RBFOX1: variants seen among roughly 807,000 people sequenced by gnomAD.
The protein encoded by RBFOX1 is RNA binding fox-1 homolog 1.
In RBFOX1, 8 loss-of-function variants were observed where a neutral mutation model predicts 57.7. The observed-to-expected ratio is 0.14, with a 90% CI of 0.08 to 0.25. The LOEUF (loss-of-function observed/expected upper bound fraction) is 0.25, where lower values mean the gene tolerates loss of function less well. Among genes scored for constraint, RBFOX1 ranks in the 10% least tolerant of loss-of-function variants. The probability of loss-of-function intolerance (pLI) is 1.00; values close to 1 mark genes in which losing one functional copy is unlikely to be tolerated. For missense variants in RBFOX1, 611 were observed against 548.5 expected (o/e 1.11, Z -1.14); for synonymous variants, 326 against 222.4 (o/e 1.47, Z -4.15).
chr16:7,493,787 G>A (rs961736266), intron 4 of RBFOX1, among the ~76,000 whole-genome samples: 9 of 152,188 alleles, frequency 5.9e-5, no homozygotes, highest in Admixed American at 1.3e-4. Context: ...AACTAAAAGA[G>A]AATATGTTTG....
chr16:7,096,097 G>C (rs1309007392), intron 4 of RBFOX1, among the ~76,000 whole-genome samples: 1 of 151,918 alleles, frequency 6.6e-6, no homozygotes, highest in Non-Finnish European at 1.5e-5. Context: ...GCTAAGTTCT[G>C]ACGACCCAGG....
intron 4 of RBFOX1, among the ~76,000 whole-genome samples, chr16:7,336,075 A>G (rs1008759395): frequency 6.6e-6 from 1 of 152,220 alleles, no homozygotes; most frequent in South Asian, 2.1e-4. Flanking sequence ...ACTACTTAAC[A>G]CTACTTATTT....
intron 1 of RBFOX1, among the ~76,000 whole-genome samples, chr16:6,247,521 A>G (rs2097575940): frequency 6.6e-6 from 1 of 152,228 alleles, no homozygotes; most frequent in Non-Finnish European, 1.5e-5. Flanking sequence ...TAGTGGTAGT[A>G]ACAGCCAATA....
intron 3 of RBFOX1, among the ~76,000 whole-genome samples, chr16:5,726,739 A>C (rs2052166776): frequency 6.6e-6 from 1 of 152,216 alleles, no homozygotes; most frequent in African/African-American, 2.4e-5. Flanking sequence ...CATTGCTGAC[A>C]TTGTGACATA....
At chr16:5,540,531 G>A (rs1413825964) in intron 2 of RBFOX1, among the ~76,000 whole-genome samples, 1 of 152,138 alleles carries the variant, frequency 6.6e-6, no homozygotes, top group Non-Finnish European at 1.5e-5. Context: ...GAAAGAGTTG[G>A]TTTAGTATAA....
chr16:6,969,874 TG>T (rs1425894300), intron 3 of RBFOX1, among the ~76,000 whole-genome samples: 1 of 152,224 alleles, frequency 6.6e-6, no homozygotes, highest in Non-Finnish European at 1.5e-5. Flanking sequence ...TACTAATTGA[TG>T]GGTATGCAAT....
chr16:7,037,036 C>G (rs985720995), intron 3 of RBFOX1, among the ~76,000 whole-genome samples: 1 of 152,066 alleles, frequency 6.6e-6, no homozygotes, highest in Non-Finnish European at 1.5e-5. Flanking sequence ...GGGAGTGTGG[C>G]AGTGAGGACA....
chr16:6,149,683 C>T (rs1418790169), intron 1 of RBFOX1, among the ~76,000 whole-genome samples: 1 of 152,148 alleles, frequency 6.6e-6, no homozygotes, highest in Non-Finnish European at 1.5e-5. Context: ...ATGTAGAATA[C>T]TGACACTTTA....
intron 3 of RBFOX1, among the ~76,000 whole-genome samples, chr16:5,827,255 C>T (rs143776820): frequency 3.6e-4 from 54 of 151,910 alleles, no homozygotes; most frequent in African/African-American, 1.2e-3. Flanking sequence ...CAAAAATTAG[C>T]CGGGTGTGGT....
At chr16:5,531,268 T>G (rs1597418168) in intron 2 of RBFOX1, among the ~76,000 whole-genome samples, 1 of 152,026 alleles carries the variant, frequency 6.6e-6, no homozygotes, top group South Asian at 2.1e-4. Flanking sequence ...AGGGATGGGG[T>G]GGGAAGGAGC....
rs984431200 is a variant in RBFOX1 at position 6,539,495 on chromosome 16, T to A, written c.-63-115108T>A. ...GTTTGGGTCTATTTGCACAATATAC[T>A]TCTTTAAAACACACACGTACAGTCA... On this transcript the variant is annotated intron_variant, in intron 2 of 15. Transcript: ENST00000550418. Among the ~76,000 whole-genome samples the A allele has an allele frequency of 2.0e-5, 3 of 152,190 alleles. No individual in the cohort carries two copies. In the East Asian group the frequency reaches 5.8e-4, roughly 30 times the overall value.
At chr16:6,107,910 G>A (rs1021124241) in intron 1 of RBFOX1, among the ~76,000 whole-genome samples, 67 of 152,184 alleles carry the variant, frequency 4.4e-4, no homozygotes, top group African/African-American at 1.5e-3. Context: ...GAATTTCAGA[G>A]TTTTAGCCAT....
chr16:5,843,820 G>T (rs149368410), intron 3 of RBFOX1, among the ~76,000 whole-genome samples: 1 of 152,192 alleles, frequency 6.6e-6, no homozygotes, highest in Non-Finnish European at 1.5e-5. Context: ...ACTCTGCCAC[G>T]TTGCTGCTGG....
At chr16:7,448,573 C>A (rs1255550867) in intron 4 of RBFOX1, among the ~76,000 whole-genome samples, 1 of 152,146 alleles carries the variant, frequency 6.6e-6, no homozygotes, top group African/African-American at 2.4e-5. Context: ...CCAACCGGGT[C>A]CCTCCCATGA....
At chr16:7,438,087 C>T (rs1183671013) in intron 4 of RBFOX1, among the ~76,000 whole-genome samples, 2 of 151,978 alleles carry the variant, frequency 1.3e-5, no homozygotes, top group Non-Finnish European at 2.9e-5. Context: ...ACTTGCTCCG[C>T]GATGCTTGTC....
chr16:7,704,197 C>T (rs192422661), intron 14 of RBFOX1, among the ~76,000 whole-genome samples: 212 of 152,262 alleles, frequency 1.4e-3, no homozygotes, highest in African/African-American at 4.6e-3. Flanking sequence ...TCCAAGCCCT[C>T]GGGTTGCTTC....
intron 4 of RBFOX1, among the ~76,000 whole-genome samples, chr16:7,284,058 T>C (rs1037287286): frequency 6.6e-6 from 1 of 152,242 alleles, no homozygotes; most frequent in African/African-American, 2.4e-5. Flanking sequence ...TAGGCCTGAC[T>C]ATCTCTGTGT....
intron 4 of RBFOX1, among the ~76,000 whole-genome samples, chr16:7,147,881 G>C (rs140918058): frequency 6.6e-6 from 1 of 152,292 alleles, no homozygotes; most frequent in East Asian, 1.9e-4. Context: ...TAAGCCCTTT[G>C]AGAAACCTCC....
chr16:6,636,051 A>C (rs2098429045), intron 2 of RBFOX1, among the ~76,000 whole-genome samples: 4 of 152,156 alleles, frequency 2.6e-5, no homozygotes, highest in African/African-American at 9.7e-5. Context: ...TGCTTGAAAC[A>C]GTTTTGAGTG....
Sources: gnomAD v4.1 joint callset for allele counts (sites outside exome capture counted in the v4.1 genomes callset) on GRCh38, gnomAD v4.1.1 for gene constraint, MANE v1.5 for transcripts, NCBI Gene and HGNC (gene_info 2026-07-23, HGNC 2026-07-21) for gene names.